SATL1: variants seen among roughly 807,000 people sequenced by gnomAD.
SATL1 encodes spermidine/spermine N(1)-acetyltransferase-like protein 1.
A neutral mutation model predicts 51.8 loss-of-function variants in SATL1; 47 were observed. The ratio of observed to expected loss-of-function variants is 0.91; its 90% CI spans 0.72 to 1.16. The LOEUF is 1.16. Ranked by LOEUF, SATL1 falls within the 50% of genes most tolerant of loss-of-function variation. The pLI is 0.00. For synonymous variants in SATL1, 176 were observed against 182.4 expected, an observed-to-expected ratio of 0.97 and a Z score of 0.28; for missense variants, 520 against 526.4, an observed-to-expected ratio of 0.99 and a Z score of 0.12.
At chrX:85,198,087 T>C (rs1927611676) in intron 2 of SATL1, among the ~76,000 whole-genome samples, 1 of 111,873 alleles carries the variant, frequency 8.9e-6, no homozygotes, top group African/African-American at 3.3e-5. Context: ...ATGTAAAATC[T>C]GGCTTTATGT....
rs923760634 is a variant in SATL1, at chrX:85,093,400, G to T, written c.1877-175C>A. 3 of 432,212 alleles carry T rather than the reference G, an allele frequency of 6.9e-6. No individual in the cohort carries two copies. In the African/African-American group the frequency reaches 7.4e-5, roughly 11 times the overall value. The allele number at this position is 432,212 out of a possible 1,213,427, so 35.6% of individuals were successfully genotyped here. ...ATCCCTTTTTCCTAATTGGAATGAC[G>T]TACCAAAGGTCATAGAAGAGTTTGG... On this transcript the variant is annotated intron_variant, in intron 6 of 7. Coordinates refer to ENST00000644105, the MANE Select transcript of SATL1 (RefSeq NM_001367857.2).
chrX:85,134,205 G>A (rs1385895592), intron 2 of SATL1, among the ~76,000 whole-genome samples: 1 of 110,696 alleles, frequency 9.0e-6, no homozygotes, highest in Non-Finnish European at 1.9e-5. Context: ...TGTGTATAGT[G>A]TGTGTGTTTG....
intron 2 of SATL1, among the ~76,000 whole-genome samples, chrX:85,169,949 G>T (rs73234607): frequency 0.11 from 12,152 of 111,041 alleles, 569 homozygotes; most frequent in South Asian, 0.17. Context: ...CTATAAAAAA[G>T]AACAAGATTA....
intron 1 of SATL1, among the ~76,000 whole-genome samples, chrX:85,230,381 A>T (rs1477356145): frequency 8.9e-6 from 1 of 112,265 alleles, no homozygotes; most frequent in Non-Finnish European, 1.9e-5. Context: ...CAAAATAATG[A>T]AATTGGTCAT....
intron 2 of SATL1, among the ~76,000 whole-genome samples, chrX:85,223,979 C>T (rs1160793790): frequency 1.8e-5 from 2 of 111,612 alleles, no homozygotes; most frequent in Non-Finnish European, 1.9e-5. Context: ...CTCCTAGTTC[C>T]GATAAGTGGC....
At chrX:85,109,322 T>C in intron 2 of SATL1, 42 bp from the exon 3 acceptor site, 1 of 274,814 alleles carries the variant, frequency 3.6e-6, no homozygotes. Context: ...AAAATGATCC[T>C]GGAGGAGTAT....
intron 2 of SATL1, among the ~76,000 whole-genome samples, chrX:85,123,772 C>T (rs972680739): frequency 1.8e-5 from 2 of 111,395 alleles, no homozygotes; most frequent in African/African-American, 3.3e-5. Flanking sequence ...AAACACTAAA[C>T]GAAAACATTT....
At chrX:85,223,207 G>T (rs1928208365) in intron 2 of SATL1, among the ~76,000 whole-genome samples, 1 of 111,430 alleles carries the variant, frequency 9.0e-6, no homozygotes, top group Non-Finnish European at 1.9e-5. Flanking sequence ...TATATCATCT[G>T]GTTGAGATAC....
At chrX:85,162,512 G>A (rs1214764437) in intron 2 of SATL1, among the ~76,000 whole-genome samples, 1 of 111,251 alleles carries the variant, frequency 9.0e-6, no homozygotes, top group Non-Finnish European at 1.9e-5. Context: ...CCTCATTTCC[G>A]ATTTGGGTGC....
At chrX:85,145,032 T>A (rs1926196925) in intron 2 of SATL1, among the ~76,000 whole-genome samples, 2 of 108,592 alleles carry the variant, frequency 1.8e-5, no homozygotes, top group East Asian at 5.7e-4. Context: ...CTAGGCCCTG[T>A]CTCAAAAAAA....
intron 2 of SATL1, among the ~76,000 whole-genome samples, chrX:85,137,180 G>A (rs1047837846): frequency 4.5e-5 from 5 of 111,331 alleles, no homozygotes; most frequent in Admixed American, 2.9e-4. Flanking sequence ...AAGGATGAAC[G>A]CCAATGCAGA....
intron 2 of SATL1, among the ~76,000 whole-genome samples, chrX:85,144,100 ACAGCAC>A (rs1436979777): frequency 1.8e-5 from 2 of 111,667 alleles, no homozygotes; most frequent in Admixed American, 1.9e-4. Context: ...ATTTCTCTAA[ACAGCAC>A]CATTTGACAT....
At chrX:85,140,430 G>A (rs1926081614) in intron 2 of SATL1, among the ~76,000 whole-genome samples, 1 of 111,654 alleles carries the variant, frequency 9.0e-6, no homozygotes, top group Non-Finnish European at 1.9e-5. Flanking sequence ...GAGAGATTAG[G>A]TAACCTTCCC....
chrX:85,145,008 C>A (rs1275895451), intron 2 of SATL1, among the ~76,000 whole-genome samples: 1 of 109,678 alleles, frequency 9.1e-6, no homozygotes, highest in Non-Finnish European at 1.9e-5. Context: ...TGCAATCCAG[C>A]CTGGGTGACA....
intron 2 of SATL1, among the ~76,000 whole-genome samples, chrX:85,174,228 A>G (rs1927040403): frequency 9.0e-6 from 1 of 110,744 alleles, no homozygotes; most frequent in South Asian, 3.9e-4. Flanking sequence ...GTGCCGCAAT[A>G]AACATACGTG....
At chrX:85,162,047 T>TA (rs2147728904) in intron 2 of SATL1, among the ~76,000 whole-genome samples, 1 of 111,204 alleles carries the variant, frequency 9.0e-6, no homozygotes, top group East Asian at 2.8e-4. Flanking sequence ...AATTAAATAA[T>TA]CTCCTCCTGA....
chrX:85,204,687 CTTTCT>C (rs1349774539), intron 2 of SATL1, among the ~76,000 whole-genome samples: 3 of 111,583 alleles, frequency 2.7e-5, no homozygotes, highest in East Asian at 5.7e-4. Context: ...ACCTCTTTGA[CTTTCT>C]TTTATTTCCT....
At chrX:85,162,774 C>A (rs1485764734) in intron 2 of SATL1, among the ~76,000 whole-genome samples, 1 of 111,076 alleles carries the variant, frequency 9.0e-6, no homozygotes, top group African/African-American at 3.3e-5. Flanking sequence ...TTTTCAAATA[C>A]TTTTTCTGCC....
intron 2 of SATL1, among the ~76,000 whole-genome samples, chrX:85,193,146 A>T (rs1288318780): frequency 8.9e-6 from 1 of 111,901 alleles, no homozygotes; most frequent in African/African-American, 3.2e-5. Context: ...GATATTGATT[A>T]CCTAATTGAT....
Sources: gnomAD v4.1 joint callset for allele counts (sites outside exome capture counted in the v4.1 genomes callset) on GRCh38, gnomAD v4.1.1 for gene constraint, MANE v1.5 for transcripts, NCBI Gene and HGNC (gene_info 2026-07-23, HGNC 2026-07-21) for gene names.